The following FAM178B variants were observed in gnomAD, a reference collection of about 807,000 sequenced individuals.
The protein encoded by FAM178B is family with sequence similarity 178 member B.
In FAM178B, 82 loss-of-function variants were observed where a neutral mutation model predicts 91.7. The ratio of observed to expected loss-of-function variants is 0.89; its 90% confidence interval spans 0.75 to 1.07. The LOEUF is 1.07. FAM178B is among the 50% of genes least tolerant of loss of function. The probability of loss-of-function intolerance (pLI) is 0.00; values close to 1 mark genes in which losing one functional copy is unlikely to be tolerated. For missense variants in FAM178B, 769 were observed against 846.7 expected (o/e 0.91, Z 1.14); for synonymous variants, 368 against 359.4 (o/e 1.02, Z -0.27).
intron 8 of FAM178B, among the ~76,000 whole-genome samples, chr2:96,939,412 C>T (rs941098385): frequency 3.3e-5 from 5 of 152,098 alleles, no homozygotes; most frequent in African/African-American, 7.2e-5. Context: ...AGGAGAATGG[C>T]GTGAACCTGG....
intron 1 of FAM178B, among the ~76,000 whole-genome samples, chr2:96,985,017 A>T (rs1478700793): frequency 6.6e-6 from 1 of 152,190 alleles, no homozygotes; most frequent in African/African-American, 2.4e-5. Context: ...AGAAAGACAC[A>T]AACTGTGGGA....
intron 13 of FAM178B, among the ~76,000 whole-genome samples, chr2:96,898,832 C>T (rs756840539): frequency 1.3e-5 from 2 of 152,078 alleles, no homozygotes; most frequent in African/African-American, 2.4e-5. Context: ...TACTGCGGGT[C>T]GGGGGTGACA....
chr2:96,919,165 C>T (rs999280342), intron 12 of FAM178B, among the ~76,000 whole-genome samples: 5 of 152,172 alleles, frequency 3.3e-5, no homozygotes, highest in Non-Finnish European at 7.3e-5. Flanking sequence ...GTGGCACACA[C>T]ACTAGGGAAA....
chr2:96,952,726 C>T (rs867011416), intron 6 of FAM178B, among the ~76,000 whole-genome samples: 11 of 152,178 alleles, frequency 7.2e-5, no homozygotes, highest in African/African-American at 2.7e-4. Flanking sequence ...TAGGATTCTC[C>T]TACGTCCTGC....
At chr2:96,906,917 C>CGCG (rs1250637892) in intron 12 of FAM178B, among the ~76,000 whole-genome samples, 1 of 152,210 alleles carries the variant, frequency 6.6e-6, no homozygotes, top group African/African-American at 2.4e-5. Context: ...TTGAGGCCTG[C>CGCG]GCGGGAGCTC....
chr2:96,880,898 C>CT (rs992024538), intron 14 of FAM178B, among the ~76,000 whole-genome samples: 4 of 152,052 alleles, frequency 2.6e-5, no homozygotes, highest in Non-Finnish European at 5.9e-5. Flanking sequence ...CCGGCTAAAA[C>CT]TTTTTTTTAA....
At chr2:96,968,275 T>C (rs1487272787) in intron 4 of FAM178B, among the ~76,000 whole-genome samples, 1 of 152,054 alleles carries the variant, frequency 6.6e-6, no homozygotes, top group Non-Finnish European at 1.5e-5. Flanking sequence ...GCCTCACTCC[T>C]GGGGCTCTGT....
At chr2:96,949,746 C>T (rs2081892909) in intron 7 of FAM178B, among the ~76,000 whole-genome samples, 1 of 152,228 alleles carries the variant, frequency 6.6e-6, no homozygotes, top group African/African-American at 2.4e-5. Flanking sequence ...TTTGTCTCTC[C>T]TTCCTGCAGA....
In FAM178B at chr2:96,972,541, C is replaced by A; in HGVS notation, c.139G>T (p.Glu47Ter). 6.4e-7 allele frequency: 1 copy of A among 1,551,718 alleles called. No individual in the cohort carries two copies. Among genetic ancestry groups the A allele is most frequent in the Non-Finnish European group, 8.7e-7 (1 of 1,146,978 alleles). Residue 47 changes from glutamate to a stop codon, truncating the protein, a stop_gained, in exon 2 of 17, where the codon GAA becomes TAA. Coordinates refer to ENST00000490605, the MANE Select transcript of FAM178B (RefSeq NM_001122646.3). LOFTEE classifies it high-confidence loss of function. ...QETVLALPLR[E>*]GVQAAATVPI... Reference sequence around the variant, plus strand: ...TGTGCAGGTGAGAGACGCCTACCTTCTCTCAGAGGAAGGGCTAGCACCGTC... The same window carrying A: ...TGTGCAGGTGAGAGACGCCTACCTTATCTCAGAGGAAGGGCTAGCACCGTC...
chr2:96,908,635 T>C (rs1022601819), intron 12 of FAM178B, among the ~76,000 whole-genome samples: 2 of 152,184 alleles, frequency 1.3e-5, no homozygotes, highest in Non-Finnish European at 2.9e-5. Flanking sequence ...AGGGGCCTGA[T>C]GGGGCTTCTG....
chr2:96,886,043 T>C (rs1259740359), intron 14 of FAM178B, among the ~76,000 whole-genome samples: 1 of 152,204 alleles, frequency 6.6e-6, no homozygotes, highest in Middle Eastern at 3.2e-3. Flanking sequence ...TCCGCGGTGT[T>C]GGCACGTCTG....
intron 16 of FAM178B, 98 bp from the exon 17 acceptor site, chr2:96,876,406 C>T (rs573715963): frequency 4.1e-5 from 60 of 1,466,386 alleles, no homozygotes; most frequent in African/African-American, 2.6e-4. Context: ...CAGCACCCAT[C>T]GCAGGCTCAT....
chr2:96,940,457 T>C (rs2081709542), intron 8 of FAM178B, among the ~76,000 whole-genome samples: 1 of 152,178 alleles, frequency 6.6e-6, no homozygotes, highest in Admixed American at 6.5e-5. Flanking sequence ...CCTAATAAGA[T>C]GGTGAAGAAC....
At chr2:96,905,235 T>G (rs1214044216) in intron 12 of FAM178B, among the ~76,000 whole-genome samples, 1 of 152,094 alleles carries the variant, frequency 6.6e-6, no homozygotes, top group Non-Finnish European at 1.5e-5. Context: ...CTCTATTGTT[T>G]GTATATTGTA....
chr2:96,880,194 G>C (rs1483354394), intron 14 of FAM178B, among the ~76,000 whole-genome samples: 1 of 152,230 alleles, frequency 6.6e-6, no homozygotes, highest in East Asian at 1.9e-4. Context: ...AGAGGCTTCA[G>C]GAATTGACTA....
chr2:96,922,902 G>C (rs991237300), intron 10 of FAM178B, among the ~76,000 whole-genome samples: 3 of 151,634 alleles, frequency 2.0e-5, no homozygotes, highest in African/African-American at 7.3e-5. Flanking sequence ...TCGAACTCCT[G>C]ACCTCAGGTG....
chr2:96,948,364 T>G (rs1377621017), intron 7 of FAM178B, among the ~76,000 whole-genome samples: 2 of 152,176 alleles, frequency 1.3e-5, no homozygotes, highest in African/African-American at 4.8e-5. Flanking sequence ...GTCAGCGCCT[T>G]AACACACTGT....
intron 14 of FAM178B, among the ~76,000 whole-genome samples, chr2:96,879,659 C>T (rs1042657647): frequency 3.3e-5 from 5 of 152,278 alleles, no homozygotes; most frequent in East Asian, 1.9e-4. Context: ...TCCCACACAA[C>T]GGCTAAGGCC....
At chr2:96,899,055 G>C (rs1002090956) in intron 13 of FAM178B, among the ~76,000 whole-genome samples, 2 of 152,240 alleles carry the variant, frequency 1.3e-5, no homozygotes, top group African/African-American at 4.8e-5. Flanking sequence ...GACTGGAAAG[G>C]GGAGTGCCTG....
Sources: allele counts gnomAD v4.1 joint callset (sites outside exome capture counted in the v4.1 genomes callset), GRCh38; gene constraint gnomAD v4.1.1; transcripts MANE v1.5; gene names NCBI Gene and HGNC (gene_info 2026-07-23, HGNC 2026-07-21).